The following OTOG variants were observed in gnomAD, a reference collection of about 807,000 sequenced individuals.
The protein encoded by OTOG is otogelin.
Under a neutral mutation model 313.8 loss-of-function variants are expected in OTOG, and 296 were observed. That is an observed-to-expected ratio of 0.94 (90% CI 0.86 to 1.04). OTOG has a LOEUF of 1.04. OTOG is among the 50% of genes least tolerant of loss of function. OTOG has a pLI of 0.00. For synonymous variants in OTOG, 1,533 were observed against 1,554.9 expected (o/e 0.99, Z 0.33); for missense variants, 3,948 against 3,840.1 (o/e 1.03, Z -0.74).
Position 17,609,668 on chromosome 11 carries a change from A to G in OTOG, c.4368A>G (p.Ala1456=). 1 of 1,490,936 alleles carries G rather than the reference A, an allele frequency of 6.7e-7. No individual in the cohort carries two copies. Among genetic ancestry groups the G allele is most frequent in the Non-Finnish European group, 9.0e-7 (1 of 1,115,970 alleles). 92.4% of individuals were successfully genotyped at this position (1,490,936 alleles called of 1,614,324 possible). Residue 1456 remains alanine, a synonymous_variant, in exon 36 of 56, where the codon GCA becomes GCG. Coordinates refer to ENST00000399397, the MANE Select transcript of OTOG (RefSeq NM_001292063.2). The part of the protein sequence containing the change: ...CVYLEDCVEP[A]VWVPTEALGN... ...TTGTCTCCGCAGGTGTGGAGCCAGC[A>G]GTTTGGGTTCCCACAGAGGCCCTTG...
chr11:17,570,938 G>A (rs541050899), intron 17 of OTOG, among the ~76,000 whole-genome samples: 3 of 152,254 alleles, frequency 2.0e-5, no homozygotes, highest in South Asian at 2.1e-4. Flanking sequence ...TTTGCACGCC[G>A]TGAGCCTCCC....
intron 54 of OTOG, among the ~76,000 whole-genome samples, chr11:17,644,781 C>T (rs974335034): frequency 2.7e-4 from 41 of 152,082 alleles, no homozygotes; most frequent in African/African-American, 9.4e-4. Flanking sequence ...ATCGTAATTA[C>T]CGATGTGTCT....
chr11:17,588,183 T>G (rs1852847798), intron 24 of OTOG, among the ~76,000 whole-genome samples: 2 of 152,188 alleles, frequency 1.3e-5, no homozygotes, highest in African/African-American at 4.8e-5. Context: ...AGGAGATAGA[T>G]GGGCAAGTTT....
At chr11:17,594,224 C>G in intron 28 of OTOG, 58 bp downstream of exon 28, 1 of 1,546,882 alleles carries the variant, frequency 6.5e-7, no homozygotes, top group Non-Finnish European at 8.7e-7. Context: ...GCTGCCAGCA[C>G]TGAACCCGGC....
chr11:17,551,379 A>T (rs1056171285), intron 3 of OTOG, among the ~76,000 whole-genome samples: 1 of 152,042 alleles, frequency 6.6e-6, no homozygotes, highest in Non-Finnish European at 1.5e-5. Flanking sequence ...TTCTGTCTGG[A>T]AAATAGGGTT....
chr11:17,642,402 T>G (rs918683451), intron 53 of OTOG, among the ~76,000 whole-genome samples, 156 bp downstream of exon 53: 8 of 152,230 alleles, frequency 5.3e-5, no homozygotes, highest in Admixed American at 4.6e-4. Flanking sequence ...TCTCTGCATT[T>G]CTTTTTGCCC....
Position 17,563,864 on chromosome 11 carries a change from T to G in OTOG, c.1644+2057T>G, listed in dbSNP as rs1852245530. Among the ~76,000 whole-genome samples, 10 of 148,834 alleles carry G rather than the reference T, an allele frequency of 6.7e-5. No individual in the cohort carries two copies. The South Asian group carries it at 2.2e-3, about 32-fold the overall frequency. On this transcript the variant is annotated intron_variant, in intron 15 of 55. Coordinates refer to ENST00000399397, the MANE Select transcript of OTOG (RefSeq NM_001292063.2). ...CCTGGCTAGTTTTTGGTTTTTTTTT[T>G]TTTTTTTTTTTTTGGTATTGTTGAG...
intron 39 of OTOG, among the ~76,000 whole-genome samples, chr11:17,618,537 G>A (rs1253386264): frequency 2.0e-5 from 3 of 152,144 alleles, no homozygotes; most frequent in African/African-American, 7.2e-5. Context: ...ATTATTGGGT[G>A]GAGTGTTCTA....
intron 18 of OTOG, 63 bp from the exon 19 acceptor site, chr11:17,573,015 G>A: frequency 7.1e-7 from 1 of 1,416,594 alleles, no homozygotes; most frequent in Non-Finnish European, 9.6e-7. Flanking sequence ...GAGAGAGGCT[G>A]ATCCTGGGAC....
chr11:17,611,814 CTGTG>C (rs3073108), intron 36 of OTOG, among the ~76,000 whole-genome samples: 111 of 150,812 alleles, frequency 7.4e-4, no homozygotes, highest in East Asian at 2.5e-3. Flanking sequence ...TTGTGAGAAA[CTGTG>C]TGTGTGTGTG....
chr11:17,601,680 T>C (rs867453612), intron 31 of OTOG, among the ~76,000 whole-genome samples: 7 of 152,142 alleles, frequency 4.6e-5, no homozygotes, highest in African/African-American at 1.2e-4. Context: ...GGAAGATCCT[T>C]ACAAGGTGAT....
chr11:17,562,914 C>A (rs1852219958), intron 15 of OTOG, among the ~76,000 whole-genome samples: 1 of 152,146 alleles, frequency 6.6e-6, no homozygotes, highest in African/African-American at 2.4e-5. Flanking sequence ...CCTCCCTGGG[C>A]CCTATAGTTT....
intron 15 of OTOG, among the ~76,000 whole-genome samples, chr11:17,563,618 A>T (rs1451589230): frequency 6.6e-6 from 1 of 152,188 alleles, no homozygotes; most frequent in Non-Finnish European, 1.5e-5. Context: ...GACACAGCCC[A>T]GCTGCTCCTT....
intron 15 of OTOG, 92 bp downstream of exon 15, chr11:17,561,899 T>C: frequency 1.4e-6 from 2 of 1,457,626 alleles, no homozygotes; most frequent in Non-Finnish European, 1.8e-6. Flanking sequence ...GGCTCAGGTC[T>C]TCCCATGGCC....
chr11:17,572,301 G>A, intron 18 of OTOG, 97 bp downstream of exon 18: 3 of 1,476,518 alleles, frequency 2.0e-6, no homozygotes, highest in African/African-American at 2.8e-5. Flanking sequence ...GAGAGTGCTG[G>A]CCAAATTTGT....
At chr11:17,553,729 G>A (rs1851996580) in intron 6 of OTOG, among the ~76,000 whole-genome samples, 1 of 152,216 alleles carries the variant, frequency 6.6e-6, no homozygotes, top group Admixed American at 6.5e-5. Flanking sequence ...CATTTATTGA[G>A]CCACTCATTC....
Position 17,634,071 on chromosome 11 carries a change from T to A in OTOG, c.7270T>A (p.Cys2424Ser). 1.3e-6 allele frequency: 2 copies of A among 1,544,614 alleles called. No homozygotes were observed. The highest frequency in any genetic ancestry group is 1.7e-6 in the Non-Finnish European group (2 of 1,146,648). ...CACCCTGCCATTCCCCTCTGCAGCC[T>A]GCACTGACAGCATGGGGGTGCCGAG... ...ALCIPEAKCA[C>S]TDSMGVPRAL... Residue 2424 changes from cysteine (C) to serine (S), a missense_variant and splice_region_variant, in exon 44 of 56, where the codon TGC (cysteine) becomes AGC (serine). Transcript: ENST00000399397.
intron 13 of OTOG, 128 bp from the exon 14 acceptor site, chr11:17,560,963 C>T (rs962966876): frequency 1.6e-5 from 20 of 1,247,794 alleles, no homozygotes; most frequent in Non-Finnish European, 2.3e-5. Flanking sequence ...TAGATCCAAT[C>T]CATGGGGGAA....
In OTOG at chr11:17,553,218, C is replaced by T. The variant is rs139222878; in HGVS notation, c.385+7C>T. ...GGACCGCGCTGCCAGATGGGTGGGT[C>T]TGGGCTCCACCCCACCCCCAGGAAG... On this transcript the variant is annotated splice_region_variant and intron_variant, in intron 5 of 55. Coordinates refer to ENST00000399397, the MANE Select transcript of OTOG (RefSeq NM_001292063.2). The T allele has an allele frequency of 1.0e-3, 1,627 of 1,550,134 alleles. 18 individuals are homozygous for T. The African/African-American group carries it at 0.017, about 16-fold the overall frequency.
Sources: gnomAD v4.1 joint callset for allele counts (sites outside exome capture counted in the v4.1 genomes callset) on GRCh38, gnomAD v4.1.1 for gene constraint, MANE v1.5 for transcripts, NCBI Gene and HGNC (gene_info 2026-07-23, HGNC 2026-07-21) for gene names.